Variants in EPHA5 observed in about 807,000 individuals in gnomAD.
EPHA5 encodes the protein ephrin type-A receptor 5.
A neutral mutation model predicts 105.0 loss-of-function variants in EPHA5; 60 were observed. The observed-to-expected ratio is 0.57, with a 90% CI of 0.46 to 0.71. The LOEUF is 0.71. Ranked by LOEUF, EPHA5 falls within the 30% of genes least tolerant of loss-of-function variation. EPHA5 has a pLI of 0.00. For synonymous variants in EPHA5, 513 were observed against 449.1 expected (o/e 1.14, Z -1.80); for missense variants, 1,218 against 1,274.7 (o/e 0.96, Z 0.68).
chr4:65,474,864 A>G (rs1280983827), intron 5 of EPHA5, among the ~76,000 whole-genome samples: 1 of 152,208 alleles, frequency 6.6e-6, no homozygotes, highest in Non-Finnish European at 1.5e-5. Flanking sequence ...GTCTTCATCA[A>G]TAAAGATCGA....
intron 3 of EPHA5, among the ~76,000 whole-genome samples, chr4:65,539,314 A>C (rs905089013): frequency 6.6e-6 from 1 of 151,636 alleles, no homozygotes; most frequent in East Asian, 1.9e-4. Context: ...ATGGACAGAT[A>C]AAACCAAGAC....
At chr4:65,485,217 T>C (rs1366542906) in intron 5 of EPHA5, among the ~76,000 whole-genome samples, 2 of 152,002 alleles carry the variant, frequency 1.3e-5, no homozygotes, top group African/African-American at 4.8e-5. Context: ...CCCTTTGTAA[T>C]TGGCCAAAGA....
At chr4:65,645,667 C>A (rs1458349382) in intron 1 of EPHA5, among the ~76,000 whole-genome samples, 1 of 150,822 alleles carries the variant, frequency 6.6e-6, no homozygotes, top group Non-Finnish European at 1.5e-5. Flanking sequence ...CGAATTACCT[C>A]AAAAAACTAG....
At chr4:65,404,516 A>G in intron 7 of EPHA5, 37 bp from the exon 8 acceptor site, 1 of 1,580,866 alleles carries the variant, frequency 6.3e-7, no homozygotes, top group South Asian at 1.1e-5. Flanking sequence ...TTGTGGTTAA[A>G]GTGATCACAT....
chr4:65,482,903 C>T (rs1272403512), intron 5 of EPHA5, among the ~76,000 whole-genome samples: 1 of 150,706 alleles, frequency 6.6e-6, no homozygotes, highest in Non-Finnish European at 1.5e-5. Context: ...GGTACATGTG[C>T]ACAACGTGCA....
rs1719667840 is a variant in EPHA5 at position 65,321,917 on chromosome 4, T to C, written c.*2197A>G. 1 of 225,486 alleles carries C rather than the reference T, an allele frequency of 4.4e-6. No individual in the cohort carries two copies. 14.0% of individuals were successfully genotyped at this position (225,486 alleles called of 1,614,324 possible). On this transcript the variant is annotated 3_prime_UTR_variant, in exon 17 of 17. Coordinates refer to ENST00000613740, the MANE Select transcript of EPHA5 (RefSeq NM_001281766.3). ...CATTCTGAAGTTTCTCAGTTGTTACTTTATCACTTAGATTGGAATATTTCT... is the reference window on the plus strand; with the variant it reads ...CATTCTGAAGTTTCTCAGTTGTTACCTTATCACTTAGATTGGAATATTTCT...
intron 5 of EPHA5, among the ~76,000 whole-genome samples, chr4:65,482,950 T>C (rs1730523436): frequency 6.6e-6 from 1 of 151,962 alleles, no homozygotes; most frequent in Non-Finnish European, 1.5e-5. Context: ...CATGTTGGTG[T>C]GCTGCACCCA....
intron 2 of EPHA5, among the ~76,000 whole-genome samples, chr4:65,628,770 T>G (rs1746372276): frequency 6.6e-6 from 1 of 152,198 alleles, no homozygotes; most frequent in South Asian, 2.1e-4. Flanking sequence ...TCTTGAATTA[T>G]TTGAATAATT....
At chr4:65,541,358 C>T (rs1415652342) in intron 3 of EPHA5, among the ~76,000 whole-genome samples, 2 of 151,822 alleles carry the variant, frequency 1.3e-5, no homozygotes, top group East Asian at 3.9e-4. Context: ...AGAGACCCAA[C>T]TCATGTGCAA....
chr4:65,651,231 G>A (rs1463346014), intron 1 of EPHA5, among the ~76,000 whole-genome samples: 1 of 152,170 alleles, frequency 6.6e-6, no homozygotes, highest in Admixed American at 6.5e-5. Flanking sequence ...GTGAAGGGAT[G>A]GGAAGTATCT....
At chr4:65,465,094 T>C (rs1454488748) in intron 5 of EPHA5, among the ~76,000 whole-genome samples, 2 of 152,096 alleles carry the variant, frequency 1.3e-5, no homozygotes, top group Non-Finnish European at 2.9e-5. Context: ...TCAGATTTAA[T>C]TATTCAAAGA....
At chr4:65,574,669 C>CATATATACACAT in intron 3 of EPHA5, among the ~76,000 whole-genome samples, 1 of 29,844 alleles carries the variant, frequency 3.4e-5, no homozygotes, top group Middle Eastern at 0.036. Flanking sequence ...TATATATACA[C>CATATATACACAT]ATATATATAC....
intron 1 of EPHA5, among the ~76,000 whole-genome samples, chr4:65,668,119 T>C (rs1750111406): frequency 6.6e-6 from 1 of 152,156 alleles, no homozygotes; most frequent in Non-Finnish European, 1.5e-5. Flanking sequence ...AGCCTTTAAT[T>C]AGCGTTTAAA....
intron 3 of EPHA5, among the ~76,000 whole-genome samples, chr4:65,514,351 T>G (rs1733903213): frequency 6.6e-6 from 1 of 152,176 alleles, no homozygotes; most frequent in Non-Finnish European, 1.5e-5. Context: ...TGCAACTCCA[T>G]GTAAAAAGTA....
chr4:65,540,525 T>C (rs72642620), intron 3 of EPHA5, among the ~76,000 whole-genome samples: 2,195 of 151,562 alleles, frequency 0.014, 30 homozygotes, highest in Middle Eastern at 0.031. Flanking sequence ...CAAAAAAGCA[T>C]AGGAGAACTA....
At chr4:65,644,920 A>G (rs1747988025) in intron 1 of EPHA5, among the ~76,000 whole-genome samples, 1 of 152,018 alleles carries the variant, frequency 6.6e-6, no homozygotes, top group Non-Finnish European at 1.5e-5. Context: ...CATTAACTAT[A>G]CAAATGCATG....
chr4:65,465,961 C>T (rs1032456782), intron 5 of EPHA5, among the ~76,000 whole-genome samples: 1 of 152,078 alleles, frequency 6.6e-6, no homozygotes, highest in African/African-American at 2.4e-5. Flanking sequence ...ACTATCCTGC[C>T]CTAATAGAAC....
intron 2 of EPHA5, among the ~76,000 whole-genome samples, chr4:65,604,178 G>A (rs28514795): frequency 0.01 from 315 of 31,076 alleles, 1 homozygote; most frequent in African/African-American, 0.025. Flanking sequence ...GCAAGTAAAA[G>A]CAAGCAGAAT....
intron 5 of EPHA5, among the ~76,000 whole-genome samples, chr4:65,477,890 G>A (rs575856499): frequency 2.5e-4 from 38 of 152,294 alleles, no homozygotes; most frequent in Middle Eastern, 3.4e-3. Flanking sequence ...AAGGGAGAAA[G>A]AGAAGGAACA....
Sources: gnomAD v4.1 joint callset for allele counts (sites outside exome capture counted in the v4.1 genomes callset) on GRCh38, gnomAD v4.1.1 for gene constraint, MANE v1.5 for transcripts, NCBI Gene and HGNC (gene_info 2026-07-23, HGNC 2026-07-21) for gene names.